The following TNS1 variants were observed in gnomAD, a reference collection of about 807,000 sequenced individuals.
TNS1 encodes the protein tensin-1.
A neutral mutation model predicts 168.6 loss-of-function variants in TNS1; 62 were observed. The ratio of observed to expected loss-of-function variants is 0.37; its 90% CI spans 0.30 to 0.45. The LOEUF is 0.45. TNS1 is among the 20% of genes least tolerant of loss of function. The pLI is 1.00. For missense variants in TNS1, 2,240 were observed against 2,339.4 expected (o/e 0.96, Z 0.88); for synonymous variants, 934 against 933.2 (o/e 1.00, Z -0.02).
chr2:217,866,157 G>A (rs548622298), intron 18 of TNS1, among the ~76,000 whole-genome samples: 4 of 152,326 alleles, frequency 2.6e-5, no homozygotes, highest in Admixed American at 6.5e-5. Flanking sequence ...AACCAGCCAC[G>A]GTGTAACAAA....
At chr2:217,914,817 C>CT (rs1954823746) in intron 4 of TNS1, among the ~76,000 whole-genome samples, 2 of 152,338 alleles carry the variant, frequency 1.3e-5, no homozygotes, top group Admixed American at 6.5e-5. Context: ...CTTTGAACCC[C>CT]TTTTGGCAAA....
intron 1 of TNS1, among the ~76,000 whole-genome samples, chr2:217,997,982 C>A (rs886310222): frequency 1.3e-5 from 2 of 152,330 alleles, no homozygotes. Flanking sequence ...TTCCCATGAA[C>A]CAGCCCTCAG....
At chr2:217,920,961 A>G (rs1156448616) in intron 3 of TNS1, among the ~76,000 whole-genome samples, 3 of 147,144 alleles carry the variant, frequency 2.0e-5, no homozygotes, top group Non-Finnish European at 3.0e-5. Context: ...CAGAGGGAAG[A>G]AGGGAGAGGG....
At chr2:217,906,178 C>G (rs1953670019) in intron 6 of TNS1, among the ~76,000 whole-genome samples, 157 bp downstream of exon 6, 1 of 152,206 alleles carries the variant, frequency 6.6e-6, no homozygotes, top group Non-Finnish European at 1.5e-5. Context: ...TGAGGCCCAG[C>G]CTGTAAGGAA....
chr2:217,829,492 C>G (rs542213492), intron 22 of TNS1, among the ~76,000 whole-genome samples: 1 of 152,188 alleles, frequency 6.6e-6, no homozygotes, highest in Admixed American at 6.5e-5. Flanking sequence ...GATCTGAGTC[C>G]CTCCCTGTCT....
chr2:217,929,809 T>C (rs142780135), intron 3 of TNS1, among the ~76,000 whole-genome samples: 1,730 of 150,706 alleles, frequency 0.011, 18 homozygotes, highest in Middle Eastern at 0.024. Flanking sequence ...TCCTCCTAAA[T>C]ACCTCTCTGA....
At chr2:217,859,080 A>T (rs1207448205) in intron 18 of TNS1, 1 of 164,576 alleles carries the variant, frequency 6.1e-6, no homozygotes, top group East Asian at 1.9e-4. Flanking sequence ...GCCCAGTCCC[A>T]GTGTAGCCCA....
chr2:217,852,770 T>C (rs1028091430), intron 18 of TNS1, among the ~76,000 whole-genome samples: 30 of 152,214 alleles, frequency 2.0e-4, no homozygotes, highest in Non-Finnish European at 4.4e-5. Context: ...TCAGGAACAA[T>C]CATAGCCAAG....
intron 2 of TNS1, among the ~76,000 whole-genome samples, chr2:217,983,422 G>A (rs1958107438): frequency 6.6e-6 from 1 of 152,120 alleles, no homozygotes. Flanking sequence ...TGTCAGCACT[G>A]CCCCTGCACA....
chr2:217,904,368 T>C (rs1575024798), intron 6 of TNS1, among the ~76,000 whole-genome samples: 1 of 151,956 alleles, frequency 6.6e-6, no homozygotes, highest in African/African-American at 2.4e-5. Flanking sequence ...CAGGCCCAGG[T>C]CCTCCTCCCC....
intron 23 of TNS1, among the ~76,000 whole-genome samples, chr2:217,820,975 G>A (rs769548370): frequency 6.6e-6 from 1 of 152,208 alleles, no homozygotes; most frequent in Admixed American, 6.5e-5. Context: ...CTCTGTCCCT[G>A]CTGGGCTGTC....
chr2:217,907,929 T>C (rs1953908016), intron 4 of TNS1, among the ~76,000 whole-genome samples: 1 of 152,184 alleles, frequency 6.6e-6, no homozygotes, highest in Admixed American at 6.5e-5. Flanking sequence ...GAGGGCTCTC[T>C]TCCTCCAGTT....
Position 218,033,718 on chromosome 2 carries a change from G to A in TNS1, c.156+102C>T, listed in dbSNP as rs897097175. On this transcript the variant is annotated intron_variant, in intron 1 of 1. Transcript: ENST00000649572. The surrounding 1 kb of genome is among the most constrained non-coding windows in gnomAD (Gnocchi z 4.3). ...CGCACTTCCCAAGCAGACTAGCACC[G>A]TCCTGGGCTGGCTACTTAACCTGTG... 6.6e-6 allele frequency among the ~76,000 whole-genome samples: 1 copy of A among 152,180 alleles called. No individual in the cohort carries two copies. Among genetic ancestry groups the A allele is most frequent in the African/African-American group, 2.4e-5 (1 of 41,438 alleles).
intron 3 of TNS1, among the ~76,000 whole-genome samples, chr2:217,938,299 G>A (rs1956734776): frequency 6.6e-6 from 1 of 152,236 alleles, no homozygotes; most frequent in African/African-American, 2.4e-5. Flanking sequence ...GGCAGGCCTT[G>A]AGGGCTGACC....
At chr2:217,844,130 TCCAG>T (rs1274908139) in intron 19 of TNS1, among the ~76,000 whole-genome samples, 1 of 152,078 alleles carries the variant, frequency 6.6e-6, no homozygotes, top group Non-Finnish European at 1.5e-5. Flanking sequence ...CCTCATCCGC[TCCAG>T]CCAATCAACA....
rs113034426 is a variant in TNS1, at chr2:217,907,264, G to A, written c.229-13C>T. ...CAGTGGTGATGGGCTGTGGACAGAA[G>A]GAGAAACAGCATGAGCCCTTAGGGC... On this transcript the variant is annotated splice_polypyrimidine_tract_variant and intron_variant, in intron 4 of 32. Coordinates refer to ENST00000682258, the MANE Select transcript of TNS1 (RefSeq NM_001387777.1). The A allele has an allele frequency of 9.3e-3, 6,550 of 702,980 alleles. 263 individuals carry two copies. The African/African-American group carries it at 0.097, about 10-fold the overall frequency. The allele number at this position is 702,980 out of a possible 1,614,324, so 43.5% of individuals were successfully genotyped here.
At chr2:217,954,205 C>T (rs552018592) in intron 3 of TNS1, among the ~76,000 whole-genome samples, 2 of 152,192 alleles carry the variant, frequency 1.3e-5, no homozygotes, top group Non-Finnish European at 2.9e-5. Flanking sequence ...AGGGGCTGGG[C>T]TCCTAGGGCT....
intron 3 of TNS1, among the ~76,000 whole-genome samples, chr2:217,922,819 C>G (rs545295547): frequency 1.3e-5 from 2 of 152,248 alleles, no homozygotes; most frequent in East Asian, 1.9e-4. Context: ...TTGGTGCCCC[C>G]TCGTGGCCTG....
chr2:217,943,365 G>A (rs1957009399), intron 3 of TNS1, among the ~76,000 whole-genome samples: 1 of 152,164 alleles, frequency 6.6e-6, no homozygotes, highest in South Asian at 2.1e-4. Flanking sequence ...GAAGAAAGGT[G>A]CCCTCACAGC....
Sources: gnomAD v4.1 joint callset for allele counts (sites outside exome capture counted in the v4.1 genomes callset) on GRCh38, gnomAD v4.1.1 for gene constraint, Gnocchi (gnomAD v3.1) non-coding constraint, MANE v1.5 for transcripts, NCBI Gene and HGNC (gene_info 2026-07-23, HGNC 2026-07-21) for gene names.